The following NEK8 variants were observed in gnomAD, a reference collection of about 807,000 sequenced individuals.
The protein encoded by NEK8 is serine/threonine-protein kinase Nek8.
NEK8 carries 51 observed loss-of-function variants against 77.2 expected under a neutral mutation model. That is an observed-to-expected ratio of 0.66 (90% CI 0.53 to 0.83). The LOEUF is 0.83. NEK8 is among the 40% of genes least tolerant of loss of function. NEK8 has a pLI of 0.00. For synonymous variants in NEK8, 365 were observed against 363.2 expected (o/e 1.00, Z -0.06); for missense variants, 787 against 909.2 (o/e 0.87, Z 1.73).
Position 28,737,588 on chromosome 17 carries a change from C to T in NEK8, c.827+74C>T, listed in dbSNP as rs769114726. ...CAGTGGGAGCACAGGAGGTCTGAGG[C>T]AGAGGGAAACCTGGGGCAAGTCCTC... On this transcript the variant is annotated intron_variant, in intron 5 of 14. Transcript: ENST00000268766. This position sits in a 1 kb window ranked among gnomAD's most constrained non-coding sequence, Gnocchi z 4.8. 3.1e-6 allele frequency: 5 copies of T among 1,613,466 alleles called. No homozygotes were observed. The East Asian group carries it at 6.7e-5, about 22-fold the overall frequency.
chr17:28,737,499 G>A lies in NEK8; in HGVS notation c.812G>A (p.Ser271Asn), dbSNP rs2034376432. The A allele has an allele frequency of 6.2e-7, 1 of 1,613,152 alleles. No individual in the cohort carries two copies. Among genetic ancestry groups the A allele is most frequent in the Non-Finnish European group, 8.5e-7 (1 of 1,179,934 alleles). The change falls in exon 5 of 15, where the codon AGT becomes AAT. Residue 271 changes from serine (S) to asparagine (N), a missense_variant. Around this residue, in one of 2 missense-constraint regions of NEK8, gnomAD observed 271 missense variants for 365.1 expected, o/e 0.74. Transcript: ENST00000268766. The surrounding 1 kb of genome is among the most constrained non-coding windows in gnomAD (Gnocchi z 4.8). ...CTCAACCTCCACACCGACGTGGGCAGTGTCCGCATGCGGAGGCCTGTGCAG... is the reference window on the plus strand; with the variant it reads ...CTCAACCTCCACACCGACGTGGGCAATGTCCGCATGCGGAGGCCTGTGCAG... Reference protein sequence around the residue: ...ALLNLHTDVGSVRMRRAEKSV... With the variant: ...ALLNLHTDVGNVRMRRAEKSV...
In NEK8 at chr17:28,737,032, T is replaced by C. The variant is rs549097511; in HGVS notation, c.619-274T>C. ...GCACCATTTATTAAATAGGGAATCC[T>C]TTCCCCATTTCTTGTTTTTCTCAGG... On this transcript the variant is annotated intron_variant, in intron 4 of 14. Coordinates refer to ENST00000268766, the MANE Select transcript of NEK8 (RefSeq NM_178170.3). The surrounding 1 kb of genome is among the most constrained non-coding windows in gnomAD (Gnocchi z 4.8). Among the ~76,000 whole-genome samples the C allele has an allele frequency of 3.3e-5, 5 of 152,380 alleles. No individual in the cohort carries two copies. In the South Asian group the frequency reaches 8.3e-4, roughly 25 times the overall value.
intron 1 of NEK8, among the ~76,000 whole-genome samples, chr17:28,729,260 G>T (rs1471434095): frequency 6.6e-6 from 1 of 152,236 alleles, no homozygotes; most frequent in Non-Finnish European, 1.5e-5. Context: ...CAGTTATGAA[G>T]TGTTATTAGC....
At chr17:28,738,369 G>T in intron 8 of NEK8, 124 bp downstream of exon 8, 1 of 1,205,348 alleles carries the variant, frequency 8.3e-7, no homozygotes. Flanking sequence ...TATTGCTTCT[G>T]TCTAGTAACT....
Position 28,741,732 on chromosome 17 carries a change from G to A in NEK8, c.2050+161G>A, listed in dbSNP as rs1166339443. Among the ~76,000 whole-genome samples the A allele has an allele frequency of 2.6e-5, 4 of 152,182 alleles. No homozygotes were observed. The South Asian group carries it at 8.3e-4, about 32-fold the overall frequency. ...GAAAAGCTTCAAGCTTCCTGCCTGG[G>A]GTGGCCAAGGCTGGTGCTTCTTGGG... On this transcript the variant is annotated intron_variant, in intron 14 of 14. Transcript: ENST00000268766. This position sits in a 1 kb window ranked among gnomAD's most constrained non-coding sequence, Gnocchi z 4.5.
Position 28,740,713 on chromosome 17 carries a change from G to C in NEK8, c.1568+100G>C, listed in dbSNP as rs1039401435. The C allele has an allele frequency of 1.4e-5, 22 of 1,573,484 alleles. No individual in the cohort carries two copies. In the East Asian group the frequency reaches 4.7e-4, roughly 34 times the overall value. ...CCTTTCACCAAAGACCAGAATTGAG[G>C]GGGTTGAGGGTGCTATTGGTTCAAC... On this transcript the variant is annotated intron_variant, in intron 11 of 14. Transcript: ENST00000268766. The surrounding 1 kb of genome is among the most constrained non-coding windows in gnomAD (Gnocchi z 4.7).
chr17:28,741,202 C>T lies in NEK8; in HGVS notation c.1857C>T (p.Ala619=), dbSNP rs1567762207. Reference sequence around the variant, plus strand: ...AGGGCATCAAGATGGCAATGGTAGCCTGTGGGGATGCCTTCACTGTAGCTA... The same window carrying T: ...AGGGCATCAAGATGGCAATGGTAGCTTGTGGGGATGCCTTCACTGTAGCTA... ...GLEGIKMAMV[A]CGDAFTVAIG... Residue 619 remains alanine, a synonymous_variant, in exon 13 of 15, where the codon GCC becomes GCT. Coordinates refer to ENST00000268766, the MANE Select transcript of NEK8 (RefSeq NM_178170.3). The surrounding 1 kb of genome is among the most constrained non-coding windows in gnomAD (Gnocchi z 4.5). 1 of 1,611,952 alleles carries T rather than the reference C, an allele frequency of 6.2e-7. No individual in the cohort carries two copies. Among genetic ancestry groups the T allele is most frequent in the Admixed American group, 1.7e-5 (1 of 59,916 alleles).
Position 28,741,983 on chromosome 17 carries a change from C to G in NEK8, c.2075C>G (p.Pro692Arg), listed in dbSNP as rs992916399. ...GCGGTCACAGATGAGCCGGTCCCCC[C>G]CTGAGGCACCCGGATTCACCTCTGG... Reference protein sequence around the residue: ...VRSVTDEPVPP With the variant: ...VRSVTDEPVPR The change falls in exon 15 of 15, where the codon CCC becomes CGC. Residue 692 changes from proline to arginine, a missense_variant. By Grantham distance (103) the Pro-to-Arg change is moderately radical. Around this residue, in one of 2 missense-constraint regions of NEK8, gnomAD observed 516 missense variants for 544.0 expected, o/e 0.95. Coordinates refer to ENST00000268766, the MANE Select transcript of NEK8 (RefSeq NM_178170.3). This position sits in a 1 kb window ranked among gnomAD's most constrained non-coding sequence, Gnocchi z 4.5. 5 of 1,614,070 alleles carry G rather than the reference C, an allele frequency of 3.1e-6. No individual in the cohort carries two copies. Among genetic ancestry groups the G allele is most frequent in the South Asian group, 2.2e-5 (2 of 91,080 alleles).
At chr17:28,733,601 T>C (rs902471502) in intron 1 of NEK8, among the ~76,000 whole-genome samples, 2 of 152,232 alleles carry the variant, frequency 1.3e-5, no homozygotes, top group Non-Finnish European at 2.9e-5. Flanking sequence ...GTCACTGCAC[T>C]CAGTGCCTTA....
rs1321208948 is a variant in NEK8 at position 28,742,941 on chromosome 17, C to G, written c.*954C>G. 1 of 151,910 alleles carries G rather than the reference C, an allele frequency of 6.6e-6. No individual in the cohort carries two copies. The highest frequency in any genetic ancestry group is 2.4e-5 in the African/African-American group (1 of 41,318). 9.4% of individuals were successfully genotyped at this position (151,910 alleles called of 1,614,324 possible). A position where few individuals can be genotyped will look rare whatever the true frequency, so the allele number is the denominator to read the frequency against. On this transcript the variant is annotated 3_prime_UTR_variant, in exon 15 of 15. Transcript: ENST00000268766. ...TACAAAAATTAACCAGGCATGGTGA[C>G]GGGCGCCTGTAATCCCAGCTACTCT...
In NEK8 at chr17:28,743,222, G is replaced by T. The variant is rs1437933129; in HGVS notation, c.*1235G>T. The stretch of plus-strand genomic sequence containing the variant: ...ATAGCCCGGGGCTGGGCGGTCCCCG[G>T]GAGTGCTGCCACCTCCCCTACACTT... On this transcript the variant is annotated 3_prime_UTR_variant, in exon 15 of 15. Coordinates refer to ENST00000268766, the MANE Select transcript of NEK8 (RefSeq NM_178170.3). The T allele has an allele frequency of 6.6e-6, 1 of 151,112 alleles. No individual in the cohort carries two copies. Among genetic ancestry groups the T allele is most frequent in the African/African-American group, 2.4e-5 (1 of 41,022 alleles). 9.4% of individuals were successfully genotyped at this position (151,112 alleles called of 1,614,324 possible).
Position 28,742,333 on chromosome 17 carries a change from C to A in NEK8, c.*346C>A. Reference sequence around the variant, plus strand: ...AGGCAGCCGGGCGCAGTGGCTCACGCCTGTAATCCCAGCACTTTGGGAGGC... The same window carrying A: ...AGGCAGCCGGGCGCAGTGGCTCACGACTGTAATCCCAGCACTTTGGGAGGC... On this transcript the variant is annotated 3_prime_UTR_variant, in exon 15 of 15. Coordinates refer to ENST00000268766, the MANE Select transcript of NEK8 (RefSeq NM_178170.3). 3 of 405,244 alleles carry A rather than the reference C, an allele frequency of 7.4e-6. No homozygotes were observed. The highest frequency in any genetic ancestry group is 9.4e-6 in the Non-Finnish European group (2 of 213,426). The allele number at this position is 405,244 out of a possible 1,614,324, so 25.1% of individuals were successfully genotyped here.
chr17:28,738,379 T>A, intron 8 of NEK8, 134 bp downstream of exon 8: 1 of 1,147,346 alleles, frequency 8.7e-7, no homozygotes, highest in Non-Finnish European at 1.3e-6. Flanking sequence ...GTCTAGTAAC[T>A]ATTGAGGAGA....
chr17:28,741,893 G>T lies in NEK8; in HGVS notation c.2051-66G>T. On this transcript the variant is annotated intron_variant, in intron 14 of 14. Transcript: ENST00000268766. This position sits in a 1 kb window ranked among gnomAD's most constrained non-coding sequence, Gnocchi z 4.5. ...ATCCAGGGCCCAGTGGGAGTGGGAG[G>T]TGGGTGATGATTTCTGGAGGCACTG... 1 of 1,539,908 alleles carries T rather than the reference G, an allele frequency of 6.5e-7. No individual in the cohort carries two copies. The highest frequency in any genetic ancestry group is 9.0e-7 in the Non-Finnish European group (1 of 1,112,318).
At chr17:28,739,292 C>T (rs1172867994) in intron 10 of NEK8, 91 bp downstream of exon 10, 23 of 850,704 alleles carry the variant, frequency 2.7e-5, no homozygotes, top group Admixed American at 6.8e-5. Context: ...AGCACATTCT[C>T]TCTTCCCTCT....
chr17:28,740,543 G>C lies in NEK8; in HGVS notation c.1498G>C (p.Val500Leu). Residue 500 changes from valine (V) to leucine (L), a missense_variant, in exon 11 of 15, where the codon GTT becomes CTT. Val to Leu is a conservative substitution (Grantham distance 32, BLOSUM62 1). This residue lies in a region of NEK8 where 516 missense variants were observed against 544.0 expected (regional missense o/e 0.95). Coordinates refer to ENST00000268766, the MANE Select transcript of NEK8 (RefSeq NM_178170.3). The surrounding 1 kb of genome is among the most constrained non-coding windows in gnomAD (Gnocchi z 4.7). The stretch of plus-strand genomic sequence containing the variant: ...GCCCCCAGGACAGGAAGCTCAGCGA[G>C]TTGTATGTGGTATCGATTCCTCCAT... Reference protein sequence around the residue: ...PMPPGQEAQRVVCGIDSSMIL... With the variant: ...PMPPGQEAQRLVCGIDSSMIL... The C allele has an allele frequency of 1.2e-6, 2 of 1,614,202 alleles. No individual in the cohort carries two copies. Among genetic ancestry groups the C allele is most frequent in the East Asian group, 2.2e-5 (1 of 44,884 alleles).
At position 28,743,158 on chromosome 17, in the gene NEK8, G is replaced by A. The variant is rs1413869358; in HGVS notation, c.*1171G>A. The A allele has an allele frequency of 6.6e-6, 1 of 151,854 alleles. No individual in the cohort carries two copies. Among genetic ancestry groups the A allele is most frequent in the Non-Finnish European group, 1.5e-5 (1 of 68,018 alleles). 9.4% of individuals were successfully genotyped at this position (151,854 alleles called of 1,614,324 possible). ...ATACTTTGGAGCAGGGCAAGCCAGG[G>A]CCTGCCTGGACTGGCCATTAGGCCT... On this transcript the variant is annotated 3_prime_UTR_variant, in exon 15 of 15. Transcript: ENST00000268766.
In NEK8 at chr17:28,742,041, C is replaced by T; in HGVS notation, c.*54C>T. The T allele has an allele frequency of 1.3e-6, 2 of 1,558,446 alleles. No individual in the cohort carries two copies. Among genetic ancestry groups the T allele is most frequent in the Non-Finnish European group, 1.8e-6 (2 of 1,129,160 alleles). ...TGATATTGCTTCTCCTCTGAATGCT[C>T]TGAAAAGTGCAGGTGCCCAAGGCAT... On this transcript the variant is annotated 3_prime_UTR_variant, in exon 15 of 15. Transcript: ENST00000268766.
rs756135134 is a variant in NEK8, at chr17:28,737,733, A to G, written c.886A>G (p.Arg296Gly). 8 of 1,614,032 alleles carry G rather than the reference A, an allele frequency of 5.0e-6. No individual in the cohort carries two copies. In the Admixed American group the frequency reaches 1.3e-4, roughly 27 times the overall value. The change falls in exon 6 of 15, where the codon AGA (arginine) becomes GGA (glycine). Residue 296 changes from arginine (R) to glycine (G), a missense_variant. By Grantham distance (125) the Arg-to-Gly change is moderately radical (BLOSUM62 -2). Around this residue, in one of 2 missense-constraint regions of NEK8, gnomAD observed 516 missense variants for 544.0 expected, o/e 0.95. Transcript: ENST00000268766. This position sits in a 1 kb window ranked among gnomAD's most constrained non-coding sequence, Gnocchi z 4.8. ...TGSRTTSVRC[R>G]GIPRGPVRPA... ...GAGCAGGACCACCAGTGTCCGCTGC[A>G]GAGGTAAGTGGGAAGAGGCCGCCAG...
Sources: allele counts gnomAD v4.1 joint callset (sites outside exome capture counted in the v4.1 genomes callset), GRCh38; gene constraint gnomAD v4.1.1; regional missense constraint gnomAD v4.1.1; non-coding constraint Gnocchi (gnomAD v3.1); transcripts MANE v1.5; gene names NCBI Gene and HGNC (gene_info 2026-07-23, HGNC 2026-07-21).